Variants in COL4A3 observed in about 807,000 individuals in gnomAD.
COL4A3 encodes collagen alpha-3(IV) chain.
COL4A3 carries 135 observed loss-of-function variants against 217.4 expected under a neutral mutation model. The ratio of observed to expected loss-of-function variants is 0.62; its 90% CI spans 0.54 to 0.72. COL4A3 has a LOEUF of 0.72. Among genes scored for constraint, COL4A3 ranks in the 30% least tolerant of loss-of-function variants. COL4A3 has a pLI of 0.00. For missense variants in COL4A3, 1,868 were observed against 2,119.9 expected (o/e 0.88, Z 2.33); for synonymous variants, 690 against 736.3 (o/e 0.94, Z 1.02).
chr2:227,221,728 T>C (rs898030893), intron 1 of COL4A3, among the ~76,000 whole-genome samples: 15 of 152,344 alleles, frequency 9.8e-5, no homozygotes, highest in Non-Finnish European at 1.6e-4. Flanking sequence ...TCTTATCTAT[T>C]GTTTTCTTCC....
chr2:227,282,275 A>AAAATATATAT lies in COL4A3; in HGVS notation c.2489-89_2489-88insAATATATATA, dbSNP rs1553760167. The stretch of plus-strand genomic sequence containing the variant: ...AGACAGAGGGAGATTCCATCTTAAA[A>AAAATATATAT]ATATATATATATATATATATATATA... On this transcript the variant is annotated intron_variant, in intron 31 of 51. Coordinates refer to ENST00000396578, the MANE Select transcript of COL4A3 (RefSeq NM_000091.5). The surrounding 1 kb of genome is among the most constrained non-coding windows in gnomAD (Gnocchi z 4.4). 1 of 334,844 alleles carries AAAATATATAT rather than the reference A, an allele frequency of 3.0e-6. No individual in the cohort carries two copies. The highest frequency in any genetic ancestry group is 2.5e-5 in the African/African-American group (1 of 39,770). 20.7% of individuals were successfully genotyped at this position (334,844 alleles called of 1,614,324 possible).
At chr2:227,229,976 G>A (rs554163533) in intron 1 of COL4A3, among the ~76,000 whole-genome samples, 8 of 151,794 alleles carry the variant, frequency 5.3e-5, no homozygotes, top group Middle Eastern at 3.4e-3. Flanking sequence ...GCGTGAACTC[G>A]GGAGGTGGAG....
chr2:227,167,098 C>T (rs75550286), intron 1 of COL4A3, among the ~76,000 whole-genome samples: 7,537 of 152,196 alleles, frequency 0.05, 233 homozygotes, highest in Admixed American at 0.087. Flanking sequence ...GCAACTAAGC[C>T]AAAACTTTAC....
At chr2:227,204,335 T>C (rs965598805) in intron 1 of COL4A3, among the ~76,000 whole-genome samples, 2 of 152,200 alleles carry the variant, frequency 1.3e-5, no homozygotes, top group Admixed American at 1.3e-4. Flanking sequence ...CTGGTACTGC[T>C]TCTATTGCTC....
intron 15 of COL4A3, 122 bp downstream of exon 15, chr2:227,254,837 A>G: frequency 1.3e-6 from 1 of 762,200 alleles, no homozygotes; most frequent in East Asian, 2.6e-5. Context: ...GTTCTTTAAG[A>G]TTTGGGAGGC....
intron 1 of COL4A3, among the ~76,000 whole-genome samples, chr2:227,189,222 T>C (rs2066141501): frequency 1.3e-5 from 2 of 152,004 alleles, no homozygotes; most frequent in East Asian, 1.9e-4. Flanking sequence ...CTTAGAGGAA[T>C]GGAGAGCACA....
At chr2:227,252,596 ACACAC>A (rs2069838286) in intron 11 of COL4A3, among the ~76,000 whole-genome samples, 1 of 150,958 alleles carries the variant, frequency 6.6e-6, no homozygotes, top group African/African-American at 2.5e-5. Context: ...GCACACACAC[ACACAC>A]ACACACACAC....
intron 20 of COL4A3, among the ~76,000 whole-genome samples, chr2:227,263,520 G>A (rs2070717713): frequency 1.3e-5 from 2 of 152,174 alleles, no homozygotes; most frequent in Admixed American, 1.3e-4. Context: ...AGACTATAGT[G>A]CATCCCAAAC....
intron 37 of COL4A3, chr2:227,291,127 T>A: frequency 2.0e-6 from 1 of 494,768 alleles, no homozygotes; most frequent in Non-Finnish European, 3.7e-6. Flanking sequence ...CTCTGCAATT[T>A]AGGTGTGCTG....
intron 1 of COL4A3, 133 bp from the exon 2 acceptor site, chr2:227,237,835 T>C: frequency 1.4e-6 from 1 of 724,382 alleles, no homozygotes; most frequent in Non-Finnish European, 2.6e-6. Context: ...GATATATTGC[T>C]ACAAGGTCAC....
chr2:227,252,079 A>C (rs1371592313), intron 11 of COL4A3, among the ~76,000 whole-genome samples: 3 of 145,380 alleles, frequency 2.1e-5, no homozygotes, highest in South Asian at 2.1e-4. Flanking sequence ...AAAAAAAAAA[A>C]AAAAAAAAAA....
chr2:227,307,680 G>A lies in COL4A3; in HGVS notation c.4253-30G>A, dbSNP rs758536140. The stretch of plus-strand genomic sequence containing the variant: ...AAACGAGTTTAAGATTTTTGTGTAT[G>A]TTGCAACATTTAGAATGTGTTTTTT... On this transcript the variant is annotated intron_variant, in intron 47 of 51. Coordinates refer to ENST00000396578, the MANE Select transcript of COL4A3 (RefSeq NM_000091.5). The A allele has an allele frequency of 2.3e-5, 36 of 1,588,272 alleles. No homozygotes were observed. The South Asian group carries it at 4.0e-4, about 18-fold the overall frequency.
In COL4A3 at chr2:227,273,051, C is replaced by T; in HGVS notation, c.1861C>T (p.Gln621Ter). Residue 621 changes from glutamine to a stop codon, truncating the protein, a stop_gained, in exon 26 of 52, where the codon CAA (glutamine) becomes TAA (stop). Transcript: ENST00000396578. LOFTEE classifies it high-confidence loss of function. ...GPAGPPGYGP[Q>*]GEPGLQGTQG... is the part of the protein sequence containing the mutation. ...AGCTGGACCACCTGGCTACGGACCCCAAGGAGAACCTGGTCTCCAGGGCAC... is the reference window on the plus strand; with the variant it reads ...AGCTGGACCACCTGGCTACGGACCCTAAGGAGAACCTGGTCTCCAGGGCAC... The T allele has an allele frequency of 6.2e-7, 1 of 1,614,104 alleles. No individual in the cohort carries two copies. The highest frequency in any genetic ancestry group is 1.1e-5 in the South Asian group (1 of 91,080).
intron 28 of COL4A3, among the ~76,000 whole-genome samples, chr2:227,278,582 A>C: frequency 6.6e-6 from 1 of 152,228 alleles, no homozygotes; most frequent in Non-Finnish European, 1.5e-5. Flanking sequence ...CTGGAGTCTT[A>C]AGAATGGCTT....
chr2:227,224,713 C>T (rs1440128290), intron 1 of COL4A3, among the ~76,000 whole-genome samples: 3 of 151,936 alleles, frequency 2.0e-5, no homozygotes, highest in Non-Finnish European at 2.9e-5. Flanking sequence ...CGAGATCATG[C>T]CATTGCACTC....
intron 1 of COL4A3, among the ~76,000 whole-genome samples, chr2:227,218,338 C>A (rs1004787945): frequency 6.6e-6 from 1 of 151,762 alleles, no homozygotes; most frequent in African/African-American, 2.4e-5. Flanking sequence ...TGGTGGTGGG[C>A]GCCTGTAGTC....
At chr2:227,180,107 C>T (rs2065821914) in intron 1 of COL4A3, among the ~76,000 whole-genome samples, 1 of 152,098 alleles carries the variant, frequency 6.6e-6, no homozygotes, top group African/African-American at 2.4e-5. Context: ...TACTTTATGC[C>T]CCAGATCAAG....
intron 43 of COL4A3, 46 bp downstream of exon 43, chr2:227,298,858 C>T: frequency 6.5e-7 from 1 of 1,538,788 alleles, no homozygotes; most frequent in East Asian, 2.3e-5. Context: ...TCAATATCAA[C>T]TTATAATTAT....
At chr2:227,205,881 A>G (rs1167842317) in intron 1 of COL4A3, among the ~76,000 whole-genome samples, 1 of 148,064 alleles carries the variant, frequency 6.8e-6, no homozygotes, top group Admixed American at 6.6e-5. Flanking sequence ...TCGTAAGAGC[A>G]GTGTCTTGGC....
Sources: allele counts gnomAD v4.1 joint callset (sites outside exome capture counted in the v4.1 genomes callset), GRCh38; gene constraint gnomAD v4.1.1; non-coding constraint Gnocchi (gnomAD v3.1); transcripts MANE v1.5; gene names NCBI Gene and HGNC (gene_info 2026-07-23, HGNC 2026-07-21).